The following CELF4 variants were observed in gnomAD, a reference collection of about 807,000 sequenced individuals.
CELF4 encodes CUGBP Elav-like family member 4, also known as CUG-BP- and ETR-3-like factor 4.
CELF4 carries 18 observed loss-of-function variants against 59.9 expected under a neutral mutation model. That is an observed-to-expected ratio of 0.30 (90% CI 0.21 to 0.45). CELF4 has a LOEUF of 0.45. Among genes scored for constraint, CELF4 ranks in the 20% least tolerant of loss-of-function variants. The pLI, the probability that CELF4 is intolerant of heterozygous loss-of-function variation, is 1.00. For missense variants in CELF4, 456 were observed against 689.0 expected, an observed-to-expected ratio of 0.66 and a Z score of 3.79; for synonymous variants, 261 against 267.1, an observed-to-expected ratio of 0.98 and a Z score of 0.22.
chr18:37,417,591 T>C (rs2099539697), intron 2 of CELF4, among the ~76,000 whole-genome samples: 1 of 152,236 alleles, frequency 6.6e-6, no homozygotes, highest in Non-Finnish European at 1.5e-5. Flanking sequence ...AGTGAGGTGC[T>C]TCTTGCAGCA....
At chr18:37,378,749 C>T (rs879667492) in intron 2 of CELF4, among the ~76,000 whole-genome samples, 2 of 152,152 alleles carry the variant, frequency 1.3e-5, no homozygotes, top group Non-Finnish European at 2.9e-5. Context: ...TCATGTGCAA[C>T]CAGAGTGGGG....
At chr18:37,306,754 G>A (rs749433762) in intron 3 of CELF4, among the ~76,000 whole-genome samples, 1 of 152,136 alleles carries the variant, frequency 6.6e-6, no homozygotes, top group Admixed American at 6.5e-5. Context: ...GTTGGAGGCC[G>A]ACACATTTCT....
chr18:37,270,741 G>A (rs2090773183), intron 8 of CELF4, 27 bp downstream of exon 8: 1 of 1,613,402 alleles, frequency 6.2e-7, no homozygotes, highest in South Asian at 1.1e-5. Context: ...GCTGCATACG[G>A]AAATAAGTGC....
chr18:37,487,153 A>G (rs2099882982), intron 1 of CELF4, among the ~76,000 whole-genome samples: 1 of 152,188 alleles, frequency 6.6e-6, no homozygotes, highest in Admixed American at 6.5e-5. Flanking sequence ...TGCCGGCCAC[A>G]GAATGCTCCC....
chr18:37,243,911 G>A lies in CELF4; in HGVS notation c.*1331C>T, dbSNP rs2061119626. 1.7e-5 allele frequency: 3 copies of A among 180,838 alleles called. No homozygotes were observed. Among genetic ancestry groups the A allele is most frequent in the Admixed American group, 6.3e-5 (1 of 15,956 alleles). The allele number at this position is 180,838 out of a possible 1,614,324, so 11.2% of individuals were successfully genotyped here. A position where few individuals can be genotyped will look rare whatever the true frequency, so the allele number is the denominator to read the frequency against. On this transcript the variant is annotated 3_prime_UTR_variant, in exon 13 of 13. Coordinates refer to ENST00000420428, the MANE Select transcript of CELF4 (RefSeq NM_020180.4). ...AGGGAAGCGAGAGGCGAGGATGACG[G>A]CGGCGGCGGCGGCGGCGACCCGGGC...
intron 10 of CELF4, among the ~76,000 whole-genome samples, chr18:37,262,981 C>G (rs1309026973): frequency 6.6e-6 from 1 of 152,128 alleles, no homozygotes; most frequent in Admixed American, 6.5e-5. Context: ...AGCCCTGATG[C>G]CCCTGATCTC....
intron 2 of CELF4, among the ~76,000 whole-genome samples, chr18:37,414,305 T>G (rs931078628): frequency 6.6e-6 from 1 of 151,672 alleles, no homozygotes; most frequent in African/African-American, 2.4e-5. Context: ...CACTCACCCA[T>G]CTACCCACCT....
intron 12 of CELF4, among the ~76,000 whole-genome samples, chr18:37,249,484 A>G (rs1237042405): frequency 6.6e-6 from 1 of 152,120 alleles, no homozygotes; most frequent in East Asian, 1.9e-4. Context: ...AAACCTGAAT[A>G]GCACACAGCC....
chr18:37,375,169 T>A (rs1325806616), intron 2 of CELF4, among the ~76,000 whole-genome samples: 2 of 152,126 alleles, frequency 1.3e-5, no homozygotes. Context: ...TCATGCGTCC[T>A]CCAAAACCTC....
At chr18:37,441,655 T>C (rs1039041717) in intron 2 of CELF4, among the ~76,000 whole-genome samples, 1 of 152,092 alleles carries the variant, frequency 6.6e-6, no homozygotes, top group African/African-American at 2.4e-5. Flanking sequence ...TCACCCTCTA[T>C]CTTGCAAGAT....
chr18:37,489,451 C>G (rs896767766), intron 1 of CELF4, among the ~76,000 whole-genome samples: 2 of 152,106 alleles, frequency 1.3e-5, no homozygotes, highest in Non-Finnish European at 2.9e-5. Context: ...AAGCCTCAGC[C>G]ATTGGACACT....
chr18:37,521,180 C>A (rs2099956986), intron 1 of CELF4, among the ~76,000 whole-genome samples: 1 of 152,150 alleles, frequency 6.6e-6, no homozygotes, highest in South Asian at 2.1e-4. Context: ...CTCTCTGGGC[C>A]TTCGTTTCCT....
At chr18:37,274,513 G>A (rs1410491605) in intron 5 of CELF4, 59 bp from the exon 6 acceptor site, 2 of 1,607,338 alleles carry the variant, frequency 1.2e-6, no homozygotes, top group Non-Finnish European at 1.7e-6. Context: ...CGCAGCTGTC[G>A]GTGCCTCTGG....
intron 3 of CELF4, among the ~76,000 whole-genome samples, chr18:37,313,408 T>C (rs956832880): frequency 3.3e-5 from 5 of 152,146 alleles, no homozygotes; most frequent in African/African-American, 2.4e-5. Flanking sequence ...ACTCCTAAGA[T>C]TGGAAAATTG....
chr18:37,368,481 C>T (rs1232463740), intron 2 of CELF4, among the ~76,000 whole-genome samples: 1 of 152,200 alleles, frequency 6.6e-6, no homozygotes, highest in Non-Finnish European at 1.5e-5. Context: ...TGGTTCCTGG[C>T]TGGCCTCCCC....
chr18:37,352,870 C>T (rs1455175442), intron 2 of CELF4, among the ~76,000 whole-genome samples: 8 of 152,000 alleles, frequency 5.3e-5, no homozygotes, highest in East Asian at 3.9e-4. Context: ...CAGAGTGGGA[C>T]GGGGTGGAAC....
chr18:37,393,956 A>G (rs1428885286), intron 2 of CELF4, among the ~76,000 whole-genome samples: 2 of 148,672 alleles, frequency 1.3e-5, no homozygotes, highest in African/African-American at 2.5e-5. Context: ...CTCCGAGCGG[A>G]GCGCCAGAGG....
intron 2 of CELF4, among the ~76,000 whole-genome samples, chr18:37,455,119 GAT>G (rs2099774617): frequency 6.6e-6 from 1 of 152,196 alleles, no homozygotes; most frequent in Admixed American, 6.5e-5. Flanking sequence ...TGGGCTTTTG[GAT>G]ACGAGAGCCT....
chr18:37,489,426 G>A (rs2099892544), intron 1 of CELF4, among the ~76,000 whole-genome samples: 1 of 152,242 alleles, frequency 6.6e-6, no homozygotes. Context: ...GGGGGCCGGG[G>A]AAGAAAGGGT....
Sources: gnomAD v4.1 joint callset for allele counts (sites outside exome capture counted in the v4.1 genomes callset) on GRCh38, gnomAD v4.1.1 for gene constraint, MANE v1.5 for transcripts, NCBI Gene and HGNC (gene_info 2026-07-23, HGNC 2026-07-21) for gene names.